CREB5: variants seen among roughly 807,000 people sequenced by gnomAD.
CREB5 encodes the protein cyclic AMP-responsive element-binding protein 5.
CREB5 carries 19 observed loss-of-function variants against 57.1 expected under a neutral mutation model. The ratio of observed to expected loss-of-function variants is 0.33; its 90% CI spans 0.23 to 0.49. The LOEUF (loss-of-function observed/expected upper bound fraction) is 0.49. Ranked by LOEUF, CREB5 falls within the 20% of genes least tolerant of loss-of-function variation. CREB5 has a pLI of 0.99. For synonymous variants in CREB5, 238 were observed against 238.3 expected, an observed-to-expected ratio of 1.00 and a Z score of 0.01; for missense variants, 579 against 671.6, an observed-to-expected ratio of 0.86 and a Z score of 1.52.
At chr7:28,540,432 T>C (rs1182621481) in intron 4 of CREB5, among the ~76,000 whole-genome samples, 2 of 152,154 alleles carry the variant, frequency 1.3e-5, no homozygotes, top group Admixed American at 6.5e-5. Context: ...ATAGCTCTAA[T>C]AGGCATCTAT....
intron 5 of CREB5, among the ~76,000 whole-genome samples, chr7:28,679,864 T>C (rs1050067785): frequency 4.6e-5 from 7 of 152,184 alleles, no homozygotes; most frequent in Admixed American, 2.0e-4. Flanking sequence ...CAGTGGCTAA[T>C]TGAGAAGAAG....
chr7:28,367,188 C>A (rs1786604889), intron 1 of CREB5, among the ~76,000 whole-genome samples: 1 of 122,430 alleles, frequency 8.2e-6, no homozygotes, highest in African/African-American at 2.8e-5. Flanking sequence ...CCCCATCCAT[C>A]TCCTTTTTGG....
At chr7:28,421,914 G>A (rs1039034975) in intron 1 of CREB5, among the ~76,000 whole-genome samples, 2 of 139,572 alleles carry the variant, frequency 1.4e-5, no homozygotes, top group African/African-American at 2.6e-5. Context: ...GAGAGAGTGT[G>A]TATGTGTGTG....
chr7:28,736,495 A>G (rs1034737814), intron 7 of CREB5, among the ~76,000 whole-genome samples: 7 of 152,142 alleles, frequency 4.6e-5, no homozygotes, highest in African/African-American at 9.7e-5. Context: ...GTGCACTTAC[A>G]TATATTATCT....
intron 1 of CREB5, among the ~76,000 whole-genome samples, chr7:28,424,822 T>A (rs1368794066): frequency 6.6e-6 from 1 of 152,164 alleles, no homozygotes; most frequent in Non-Finnish European, 1.5e-5. Context: ...TGTTTCAGTG[T>A]GGGAAGGAAA....
At chr7:28,731,093 T>C (rs1047415526) in intron 7 of CREB5, among the ~76,000 whole-genome samples, 1 of 152,198 alleles carries the variant, frequency 6.6e-6, no homozygotes, top group Non-Finnish European at 1.5e-5. Context: ...AATTTGAGTT[T>C]AGCTATTGTT....
chr7:28,639,988 A>T (rs907073059), intron 5 of CREB5, among the ~76,000 whole-genome samples: 3 of 152,144 alleles, frequency 2.0e-5, no homozygotes, highest in Non-Finnish European at 2.9e-5. Flanking sequence ...GAGGAATATA[A>T]TCCCACTGTC....
intron 4 of CREB5, among the ~76,000 whole-genome samples, chr7:28,533,133 A>C (rs918535901): frequency 6.6e-6 from 1 of 152,028 alleles, no homozygotes; most frequent in Non-Finnish European, 1.5e-5. Flanking sequence ...TGCACACTGG[A>C]AGGCGGAGGT....
At chr7:28,812,994 T>TCTGGTTTTTC (rs1809215220) in intron 9 of CREB5, among the ~76,000 whole-genome samples, 1 of 152,094 alleles carries the variant, frequency 6.6e-6, no homozygotes, top group South Asian at 2.1e-4. Flanking sequence ...GAAAACAAAA[T>TCTGGTTTTTC]CAAACTCCCA....
At chr7:28,754,727 CT>C (rs567938401) in intron 7 of CREB5, among the ~76,000 whole-genome samples, 9 of 152,166 alleles carry the variant, frequency 5.9e-5, no homozygotes, top group East Asian at 1.9e-4. Flanking sequence ...AAACTTCACT[CT>C]TTTTTTTCCC....
At chr7:28,814,665 A>T (rs1454625573) in intron 9 of CREB5, among the ~76,000 whole-genome samples, 1 of 152,198 alleles carries the variant, frequency 6.6e-6, no homozygotes, top group Non-Finnish European at 1.5e-5. Flanking sequence ...TAGAATAAAA[A>T]AAAATTCTTT....
intron 8 of CREB5, among the ~76,000 whole-genome samples, chr7:28,804,818 A>G (rs1808612495): frequency 6.6e-6 from 1 of 152,238 alleles, no homozygotes; most frequent in Non-Finnish European, 1.5e-5. Context: ...CCCTCTCAAA[A>G]GTAATATGAA....
intron 4 of CREB5, among the ~76,000 whole-genome samples, chr7:28,518,162 A>G (rs1793055816): frequency 6.6e-6 from 1 of 152,140 alleles, no homozygotes; most frequent in Non-Finnish European, 1.5e-5. Context: ...GATCTGAGGT[A>G]TGTGCAGAAT....
chr7:28,693,894 T>C (rs1433612330), intron 5 of CREB5, among the ~76,000 whole-genome samples: 2 of 152,208 alleles, frequency 1.3e-5, no homozygotes, highest in Admixed American at 1.3e-4. Flanking sequence ...ATGTAACAGT[T>C]CCTTCCAAGA....
intron 7 of CREB5, among the ~76,000 whole-genome samples, chr7:28,756,563 A>G (rs1433645670): frequency 6.6e-6 from 1 of 151,784 alleles, no homozygotes; most frequent in African/African-American, 2.4e-5. Context: ...TCTCCAAAAA[A>G]AAAAAAACAG....
chr7:28,312,953 T>C (rs2127982019), intron 1 of CREB5, among the ~76,000 whole-genome samples: 1 of 152,304 alleles, frequency 6.6e-6, no homozygotes, highest in South Asian at 2.1e-4. Flanking sequence ...CAGAATTGAA[T>C]GGCCATCCAG....
At chr7:28,813,333 C>A (rs189250351) in intron 9 of CREB5, among the ~76,000 whole-genome samples, 1 of 152,294 alleles carries the variant, frequency 6.6e-6, no homozygotes, top group East Asian at 1.9e-4. Flanking sequence ...CTCAGTAGAA[C>A]GTCTGTGTTC....
chr7:28,583,798 C>T (rs1386419090), intron 5 of CREB5, among the ~76,000 whole-genome samples: 5 of 152,164 alleles, frequency 3.3e-5, no homozygotes, highest in African/African-American at 1.2e-4. Flanking sequence ...CCTGCCTCAG[C>T]CTCCAGAGTA....
intron 5 of CREB5, among the ~76,000 whole-genome samples, chr7:28,627,012 C>G (rs1184688536): frequency 6.6e-6 from 1 of 152,202 alleles, no homozygotes; most frequent in African/African-American, 2.4e-5. Context: ...CACTTGCAGC[C>G]CTTGACAGAC....
Sources: gnomAD v4.1 joint callset for allele counts (sites outside exome capture counted in the v4.1 genomes callset) on GRCh38, gnomAD v4.1.1 for gene constraint, MANE v1.5 for transcripts, NCBI Gene and HGNC (gene_info 2026-07-23, HGNC 2026-07-21) for gene names.